ADAM28: variants seen among roughly 807,000 people sequenced by gnomAD.
The protein encoded by ADAM28 is disintegrin and metalloproteinase domain-containing protein 28.
In ADAM28, 105 loss-of-function variants were observed where a neutral mutation model predicts 101.2. That is an observed-to-expected ratio of 1.04 (90% CI 0.89 to 1.22). ADAM28 has a LOEUF of 1.22. Among genes scored for constraint, ADAM28 ranks in the 50% most tolerant of loss-of-function variants. ADAM28 has a pLI of 0.00. For synonymous variants in ADAM28, 322 were observed against 310.6 expected (o/e 1.04, Z -0.39); for missense variants, 1,028 against 945.4 (o/e 1.09, Z -1.15).
chr8:24,323,252 C>T (rs1414502274), intron 8 of ADAM28, among the ~76,000 whole-genome samples: 2 of 151,890 alleles, frequency 1.3e-5, no homozygotes, highest in African/African-American at 2.4e-5. Context: ...ACTCTCGTGA[C>T]CTAATCACCT....
chr8:24,327,457 A>G (rs992312165), intron 10 of ADAM28, among the ~76,000 whole-genome samples: 3 of 152,188 alleles, frequency 2.0e-5, no homozygotes, highest in Admixed American at 2.0e-4. Context: ...GGAAATGGCC[A>G]TACTGCCCAA....
Position 24,343,518 on chromosome 8 carries a change from G to T in ADAM28, c.1924G>T (p.Glu642Ter). The T allele has an allele frequency of 6.2e-7, 1 of 1,613,770 alleles. No individual in the cohort carries two copies. Residue 642 changes from glutamate (E) to a stop codon, truncating the protein, a stop_gained, in exon 18 of 23, where the codon GAG (glutamate) becomes TAG (stop). Transcript: ENST00000265769. LOFTEE classifies it high-confidence loss of function. ...KCKGHAVCDH[E>*]LQCQCEEGWI... Reference sequence around the variant, plus strand: ...ATTGCTCCCCTAGGTGTGTGACCATGAGCTCCAGTGTCAATGTGAGGAAGG... The same window carrying T: ...ATTGCTCCCCTAGGTGTGTGACCATTAGCTCCAGTGTCAATGTGAGGAAGG...
rs1816094707 is a variant in ADAM28, at chr8:24,351,284, A to G, written c.2152A>G (p.Met718Val). The G allele has an allele frequency of 6.2e-7, 1 of 1,612,676 alleles. No individual in the cohort carries two copies. Among genetic ancestry groups the G allele is most frequent in the Admixed American group, 1.7e-5 (1 of 59,826 alleles). ...RPHKQKRKPQ[M>V]VKAVQPQEMS... ...ACACAAACAGAAGAGGAAACCCCAG[A>G]TGGTAAAGGCTGTTCAACCCCAAGA... Residue 718 changes from methionine (M) to valine (V), a missense_variant, in exon 20 of 23, where the codon ATG (methionine) becomes GTG (valine). By Grantham distance (21) the Met-to-Val change is conservative. Coordinates refer to ENST00000265769, the MANE Select transcript of ADAM28 (RefSeq NM_014265.6).
At chr8:24,339,633 C>T (rs2129324165) in intron 15 of ADAM28, 65 bp downstream of exon 15, 1 of 1,339,296 alleles carries the variant, frequency 7.5e-7, no homozygotes, top group Non-Finnish European at 1.0e-6. Context: ...TCCAGCTACA[C>T]ATTCTGATTT....
intron 6 of ADAM28, among the ~76,000 whole-genome samples, chr8:24,318,235 T>C (rs753776274): frequency 6.6e-6 from 1 of 152,008 alleles, no homozygotes; most frequent in Non-Finnish European, 1.5e-5. Flanking sequence ...GGGCCTCTTA[T>C]CCCTCTGTTT....
rs1286321763 is a variant in ADAM28 at position 24,358,009 on chromosome 8, A to G, written c.*3605A>G. ...TTATAGTTGTTTCTCTTGTTTACTTATATAGTTGTTTCTCTTGTTTACTTA... is the reference window on the plus strand; with the variant it reads ...TTATAGTTGTTTCTCTTGTTTACTTGTATAGTTGTTTCTCTTGTTTACTTA... On this transcript the variant is annotated 3_prime_UTR_variant, in exon 23 of 23. Transcript: ENST00000265769. The G allele has an allele frequency of 1.4e-5, 2 of 141,074 alleles. No individual in the cohort carries two copies. The highest frequency in any genetic ancestry group is 4.9e-5 in the African/African-American group (2 of 40,536). 8.7% of individuals were successfully genotyped at this position (141,074 alleles called of 1,614,324 possible).
At chr8:24,308,782 G>T in intron 2 of ADAM28, 2 of 446,290 alleles carry the variant, frequency 4.5e-6, no homozygotes, top group South Asian at 3.2e-5. Flanking sequence ...TGGACTGTAA[G>T]AATTGACTTT....
intron 2 of ADAM28, among the ~76,000 whole-genome samples, chr8:24,307,082 T>C (rs1163422773): frequency 3.9e-5 from 6 of 152,206 alleles, no homozygotes; most frequent in Non-Finnish European, 5.9e-5. Context: ...AGCCAAGTTT[T>C]AGGAGTTATC....
Position 24,321,296 on chromosome 8 carries a change from C to T in ADAM28, c.720+7C>T, listed in dbSNP as rs1434990001. The T allele has an allele frequency of 3.1e-6, 5 of 1,591,230 alleles. No homozygotes were observed. The highest frequency in any genetic ancestry group is 4.3e-6 in the Non-Finnish European group (5 of 1,160,106). On this transcript the variant is annotated splice_region_variant and intron_variant, in intron 8 of 22. Coordinates refer to ENST00000265769, the MANE Select transcript of ADAM28 (RefSeq NM_014265.6). ...GGCTAATTATGTCAACATGGTAAGA[C>T]ATATTTTATTACCTGCAGTTTTAAA...
At chr8:24,331,409 C>G in intron 12 of ADAM28, 82 bp downstream of exon 12, 6 of 1,353,018 alleles carry the variant, frequency 4.4e-6, no homozygotes, top group Non-Finnish European at 6.0e-6. Context: ...GTGTGGCCCG[C>G]TATAACATTA....
At position 24,317,894 on chromosome 8, in the gene ADAM28, G is replaced by A. The variant is rs553127491; in HGVS notation, c.577-2342G>A. On this transcript the variant is annotated intron_variant, in intron 6 of 22. Transcript: ENST00000265769. Reference sequence around the variant, plus strand: ...CGGGGTTAAGCAGTTGAAAGATCTAGGGTACAATATGAGGACTGTTAAGGA... The same window carrying A: ...CGGGGTTAAGCAGTTGAAAGATCTAAGGTACAATATGAGGACTGTTAAGGA... Among the ~76,000 whole-genome samples, 46 of 152,064 alleles carry A rather than the reference G, an allele frequency of 3.0e-4. 2 individuals are homozygous for A. The South Asian group carries it at 9.3e-3, about 31-fold the overall frequency.
intron 6 of ADAM28, among the ~76,000 whole-genome samples, chr8:24,318,289 A>G (rs936691483): frequency 5.3e-5 from 8 of 151,892 alleles, no homozygotes; most frequent in African/African-American, 1.7e-4. Flanking sequence ...CTTTTGAGAC[A>G]TTTTATCGTT....
At chr8:24,331,015 G>A (rs987613579) in intron 11 of ADAM28, 135 bp from the exon 12 acceptor site, 21 of 787,238 alleles carry the variant, frequency 2.7e-5, no homozygotes, top group Non-Finnish European at 3.7e-5. Context: ...ATGAGCTCAC[G>A]ATCTGGCAGT....
intron 2 of ADAM28, chr8:24,308,612 T>G: frequency 2.2e-6 from 1 of 456,244 alleles, no homozygotes; most frequent in South Asian, 1.5e-5. Context: ...CTGCATAACT[T>G]TTATTTTCAA....
intron 13 of ADAM28, among the ~76,000 whole-genome samples, chr8:24,333,171 G>C (rs559407355): frequency 1.4e-4 from 22 of 152,094 alleles, no homozygotes; most frequent in Admixed American, 2.6e-4. Context: ...AAGGAGGCTC[G>C]GAAAATGGGG....
At chr8:24,301,362 T>A (rs28452358) in intron 2 of ADAM28, among the ~76,000 whole-genome samples, 1 of 152,050 alleles carries the variant, frequency 6.6e-6, no homozygotes, top group African/African-American at 2.4e-5. Flanking sequence ...TTTTTCCTGT[T>A]GTGCATTATG....
chr8:24,304,181 A>T (rs904213197), intron 2 of ADAM28, among the ~76,000 whole-genome samples: 4 of 150,562 alleles, frequency 2.7e-5, no homozygotes, highest in African/African-American at 9.8e-5. Flanking sequence ...TTTTGAATAT[A>T]TATTTTGATT....
intron 7 of ADAM28, 27 bp downstream of exon 7, chr8:24,320,334 C>T: frequency 7.1e-7 from 1 of 1,415,494 alleles, no homozygotes; most frequent in Non-Finnish European, 9.9e-7. Context: ...AATGTGCTGT[C>T]TTCCAAAACT....
At position 24,354,571 on chromosome 8, in the gene ADAM28, A is replaced by G. The variant is rs1816548175; in HGVS notation, c.*167A>G. Reference sequence around the variant, plus strand: ...TTTGAAGAGACTAAAGAAAATTTTCAAGAGGAACATATGCCTGAGAACCTT... The same window carrying G: ...TTTGAAGAGACTAAAGAAAATTTTCGAGAGGAACATATGCCTGAGAACCTT... On this transcript the variant is annotated 3_prime_UTR_variant, in exon 23 of 23. Coordinates refer to ENST00000265769, the MANE Select transcript of ADAM28 (RefSeq NM_014265.6). 1.5e-6 allele frequency: 1 copy of G among 682,062 alleles called. No homozygotes were observed. The highest frequency in any genetic ancestry group is 1.9e-5 in the African/African-American group (1 of 52,588). The allele number at this position is 682,062 out of a possible 1,614,324, so 42.3% of individuals were successfully genotyped here.
Sources: gnomAD v4.1 joint callset for allele counts (sites outside exome capture counted in the v4.1 genomes callset) on GRCh38, gnomAD v4.1.1 for gene constraint, MANE v1.5 for transcripts, NCBI Gene and HGNC (gene_info 2026-07-23, HGNC 2026-07-21) for gene names.